Variants in MCF2L observed in about 807,000 individuals in gnomAD.
MCF2L encodes guanine nucleotide exchange factor DBS.
MCF2L carries 97 observed loss-of-function variants against 153.4 expected under a neutral mutation model. The ratio of observed to expected loss-of-function variants is 0.63; its 90% CI spans 0.54 to 0.75. The LOEUF is 0.75. Among genes scored for constraint, MCF2L ranks in the 30% least tolerant of loss-of-function variants. The pLI, the probability that MCF2L is intolerant of heterozygous loss-of-function variation, is 0.00. For synonymous variants in MCF2L, 659 were observed against 632.2 expected (o/e 1.04, Z -0.64); for missense variants, 1,347 against 1,495.2 (o/e 0.90, Z 1.64).
chr13:112,991,027 G>A (rs772658442), intron 1 of MCF2L, among the ~76,000 whole-genome samples: 14 of 152,180 alleles, frequency 9.2e-5, no homozygotes, highest in African/African-American at 1.7e-4. Context: ...AAGCCTGCTC[G>A]GCCTCCGCCA....
intron 26 of MCF2L, chr13:113,091,101 GCCT>G (rs1288359578): frequency 2.3e-6 from 3 of 1,304,124 alleles, no homozygotes; most frequent in South Asian, 2.5e-5. Context: ...TTGTATTTCT[GCCT>G]CCTCCTCCTC....
intron 1 of MCF2L, among the ~76,000 whole-genome samples, chr13:112,984,783 G>A (rs990037279): frequency 4.6e-5 from 7 of 152,118 alleles, no homozygotes; most frequent in Admixed American, 1.3e-4. Context: ...TGACTCCCTC[G>A]AAGGAAAGCT....
chr13:113,078,387 C>T lies in MCF2L; in HGVS notation c.1685C>T (p.Ser562Phe). 1 of 1,613,370 alleles carries T rather than the reference C, an allele frequency of 6.2e-7. No homozygotes were observed. The highest frequency in any genetic ancestry group is 1.1e-5 in the South Asian group (1 of 91,072). Residue 562 changes from serine to phenylalanine, a missense_variant, in exon 14 of 30, where the codon TCC becomes TTC. Transcript: ENST00000535094. ...SPGIRRGSEN[S>F]SSEGGALRRG... The stretch of plus-strand genomic sequence containing the variant: ...GGCATTCGGCGAGGCTCTGAGAACT[C>T]CAGCTCCGAGGGCGGTGCGCTCCGG...
chr13:113,060,471 C>T (rs1414248796), intron 4 of MCF2L, 122 bp from the exon 5 acceptor site: 52 of 1,111,788 alleles, frequency 4.7e-5, no homozygotes, highest in Admixed American at 1.4e-4. Context: ...AAACCTGCTG[C>T]GTTGAGGATG....
At chr13:112,949,517 G>T (rs926110714) in intron 2 of MCF2L, among the ~76,000 whole-genome samples, 1 of 152,186 alleles carries the variant, frequency 6.6e-6, no homozygotes, top group East Asian at 1.9e-4. Flanking sequence ...TAGATAAAGA[G>T]AATTATCCAC....
intron 1 of MCF2L, among the ~76,000 whole-genome samples, chr13:112,988,887 C>A (rs12872749): frequency 4.7e-5 from 3 of 63,472 alleles, no homozygotes; most frequent in East Asian, 3.7e-4. Flanking sequence ...CTACCACGCC[C>A]GAGTCCTCCC....
chr13:113,096,324 C>G (rs2142151666), intron 27 of MCF2L, 47 bp from the exon 28 acceptor site: 1 of 1,420,086 alleles, frequency 7.0e-7, no homozygotes, highest in African/African-American at 1.4e-5. Flanking sequence ...GGGCTGCTGC[C>G]GGGGCGGGTG....
At chr13:113,066,320 C>T (rs938295584) in intron 8 of MCF2L, 150 bp downstream of exon 8, 43 of 951,698 alleles carry the variant, frequency 4.5e-5, no homozygotes, top group South Asian at 2.1e-4. Flanking sequence ...GCACAGCAGC[C>T]GGCCTCCGAG....
intron 4 of MCF2L, among the ~76,000 whole-genome samples, chr13:113,051,792 A>G (rs1395898102): frequency 1.3e-5 from 2 of 152,036 alleles, no homozygotes; most frequent in African/African-American, 4.8e-5. Context: ...GCGACGCGGG[A>G]CCTCACCTGG....
intron 4 of MCF2L, among the ~76,000 whole-genome samples, chr13:113,050,289 A>AGTGT (rs74773597): frequency 6.7e-6 from 1 of 149,804 alleles, no homozygotes; most frequent in Non-Finnish European, 1.5e-5. Flanking sequence ...TGAGTGTGAG[A>AGTGT]GTGTGTGTGT....
intron 1 of MCF2L, among the ~76,000 whole-genome samples, chr13:113,004,677 G>A (rs1011645669): frequency 6.6e-6 from 1 of 152,246 alleles, no homozygotes; most frequent in Admixed American, 6.5e-5. Context: ...GAGTCACACA[G>A]CTCAGGGAGG....
chr13:112,930,625 A>G (rs925829611), intron 2 of MCF2L, among the ~76,000 whole-genome samples: 2 of 152,262 alleles, frequency 1.3e-5, no homozygotes, highest in East Asian at 3.8e-4. Context: ...ACAGATGCAC[A>G]GCACAGAGTA....
chr13:112,917,184 T>C (rs1244127516), intron 2 of MCF2L: 1 of 471,164 alleles, frequency 2.1e-6, no homozygotes, highest in Admixed American at 2.3e-5. Flanking sequence ...ACAGCTCCAG[T>C]CCGGACCCCT....
intron 1 of MCF2L, among the ~76,000 whole-genome samples, chr13:112,996,035 G>A (rs2083116562): frequency 1.3e-5 from 2 of 152,124 alleles, no homozygotes; most frequent in South Asian, 4.1e-4. Context: ...ACATAGTCCC[G>A]AGTTCCCCTC....
At position 112,960,048 on chromosome 13, in the gene MCF2L, C is replaced by T. The variant is rs909416120; in HGVS notation, c.170-54715C>T. On this transcript the variant is annotated intron_variant, in intron 2 of 29. Coordinates refer to the MCF2L transcript ENST00000375608. This position sits in a 1 kb window ranked among gnomAD's most constrained non-coding sequence, Gnocchi z 4.2. ...CTGTGTCACCGAGGTCCCTCGGTAA[C>T]TTCAGGGCAGAGGCCTTCTGTCCCG... 1.3e-5 allele frequency among the ~76,000 whole-genome samples: 2 copies of T among 152,384 alleles called. No individual in the cohort carries two copies. Among genetic ancestry groups the T allele is most frequent in the Admixed American group, 6.5e-5 (1 of 15,312 alleles).
chr13:113,017,944 CGTTTCTTTCCACTTGCCCTG>C (rs2084637662), intron 2 of MCF2L, among the ~76,000 whole-genome samples: 1 of 152,236 alleles, frequency 6.6e-6, no homozygotes, highest in South Asian at 2.1e-4. Flanking sequence ...GAGGAGACTG[CGTTTCTTTCCACTTGCCCTG>C]CTGATTTCCC....
At chr13:113,007,336 GC>G (rs1479485893) in intron 1 of MCF2L, among the ~76,000 whole-genome samples, 1 of 152,212 alleles carries the variant, frequency 6.6e-6, no homozygotes, top group Non-Finnish European at 1.5e-5. Context: ...CCCTCCTGGT[GC>G]CCCTGGCTCA....
In MCF2L at chr13:113,097,397, A is replaced by G. The variant is rs1268466965; in HGVS notation, c.*538A>G. 1 of 152,430 alleles carries G rather than the reference A, an allele frequency of 6.6e-6. No individual in the cohort carries two copies. Among genetic ancestry groups the G allele is most frequent in the Non-Finnish European group, 1.5e-5 (1 of 68,194 alleles). The allele number at this position is 152,430 out of a possible 1,614,324, so 9.4% of individuals were successfully genotyped here. On this transcript the variant is annotated 3_prime_UTR_variant, in exon 30 of 30. Transcript: ENST00000535094. The stretch of plus-strand genomic sequence containing the variant: ...ACAATTTGATACTGTATTTGATAGA[A>G]AACTATTTTTTTGTTACCGGGGTTT...
At chr13:112,954,766 A>G (rs1259959912) in intron 2 of MCF2L, among the ~76,000 whole-genome samples, 1 of 152,200 alleles carries the variant, frequency 6.6e-6, no homozygotes, top group African/African-American at 2.4e-5. Context: ...TGCTGTGTAA[A>G]TAGCAGGTGC....
Sources: gnomAD v4.1 joint callset for allele counts (sites outside exome capture counted in the v4.1 genomes callset) on GRCh38, gnomAD v4.1.1 for gene constraint, Gnocchi (gnomAD v3.1) non-coding constraint, MANE v1.5 for transcripts, NCBI Gene and HGNC (gene_info 2026-07-23, HGNC 2026-07-21) for gene names.